PCDH15: variants seen among roughly 807,000 people sequenced by gnomAD.
The protein encoded by PCDH15 is protocadherin related 15.
PCDH15 carries 129 observed loss-of-function variants against 178.5 expected under a neutral mutation model. The ratio of observed to expected loss-of-function variants is 0.72; its 90% CI spans 0.63 to 0.84. The LOEUF (loss-of-function observed/expected upper bound fraction) is 0.84. Ranked by LOEUF, PCDH15 falls within the 40% of genes least tolerant of loss-of-function variation. The pLI is 0.00. For synonymous variants in PCDH15, 800 were observed against 732.0 expected (o/e 1.09, Z -1.50); for missense variants, 2,230 against 2,099.9 (o/e 1.06, Z -1.21).
At chr10:54,680,333 T>C (rs58472825) in intron 1 of PCDH15, among the ~76,000 whole-genome samples, 4,755 of 152,284 alleles carry the variant, frequency 0.031, 264 homozygotes, top group African/African-American at 0.11. Context: ...AAGCGTAAAC[T>C]TGTCATCTCA....
At position 55,349,678 on chromosome 10, in the gene PCDH15, G is replaced by A. The variant is rs544801869; in HGVS notation, c.-155-183027C>T. Among the ~76,000 whole-genome samples the A allele has an allele frequency of 5.3e-5, 8 of 152,066 alleles. No homozygotes were observed. In the South Asian group the frequency reaches 6.2e-4, roughly 12 times the overall value. ...TTAATAGAACATTTGCTGTAAATAC[G>A]CAGGTTCAAATGCTCAAAGAATCTT... On this transcript the variant is annotated intron_variant, in intron 2 of 5. Coordinates refer to the PCDH15 transcript ENST00000613346.
intron 18 of PCDH15, among the ~76,000 whole-genome samples, chr10:54,066,333 G>T (rs2094136739): frequency 6.6e-6 from 1 of 152,016 alleles, no homozygotes; most frequent in Non-Finnish European, 1.5e-5. Flanking sequence ...TGCTGGAAAA[G>T]GTGTGTGTGC....
chr10:55,020,958 A>C (rs994102929), intron 2 of PCDH15, among the ~76,000 whole-genome samples: 18 of 152,146 alleles, frequency 1.2e-4, no homozygotes, highest in African/African-American at 4.1e-4. Flanking sequence ...GAGCCAGGCA[A>C]AGGCATAAAT....
rs1954349165 is a variant in PCDH15, at chr10:54,885,819, G to T, written c.-29+11631C>A. On this transcript the variant is annotated intron_variant, in intron 3 of 5. Coordinates refer to the PCDH15 transcript ENST00000458638. ...AAGGCCAAGTTCCTACATATAGGAA[G>T]AAAGAGATCTTAAGGACATGATAGG... Among the ~76,000 whole-genome samples, 3 of 152,058 alleles carry T rather than the reference G, an allele frequency of 2.0e-5. No homozygotes were observed. The South Asian group carries it at 6.2e-4, about 32-fold the overall frequency.
intron 2 of PCDH15, among the ~76,000 whole-genome samples, chr10:55,071,768 C>T (rs1212257815): frequency 6.6e-6 from 1 of 152,130 alleles, no homozygotes; most frequent in Non-Finnish European, 1.5e-5. Flanking sequence ...CTACAGAACT[C>T]TCCACCCCAA....
At chr10:54,004,655 A>G (rs1373515785) in intron 20 of PCDH15, among the ~76,000 whole-genome samples, 8 of 152,128 alleles carry the variant, frequency 5.3e-5, no homozygotes, top group African/African-American at 1.7e-4. Flanking sequence ...GAAAATGAAG[A>G]GAACACAAAA....
chr10:54,063,453 C>G (rs778084059), intron 18 of PCDH15, among the ~76,000 whole-genome samples: 2 of 152,060 alleles, frequency 1.3e-5, no homozygotes, highest in Non-Finnish European at 2.9e-5. Flanking sequence ...ACTTTATTAC[C>G]TTGTTTTCTT....
chr10:55,155,095 GT>G (rs78653883), intron 2 of PCDH15, among the ~76,000 whole-genome samples: 81,618 of 151,520 alleles, frequency 0.54, 23,695 homozygotes, highest in Non-Finnish European at 0.65. Context: ...AGGTATAATA[GT>G]ATAGATACCA....
intron 8 of PCDH15, among the ~76,000 whole-genome samples, chr10:54,266,220 A>G (rs1463112303): frequency 2.0e-5 from 3 of 151,826 alleles, no homozygotes; most frequent in African/African-American, 7.2e-5. Context: ...ATTTGGGTAA[A>G]CAAGAAAATT....
At chr10:54,385,072 A>G (rs180954232) in intron 3 of PCDH15, among the ~76,000 whole-genome samples, 67 of 152,272 alleles carry the variant, frequency 4.4e-4, no homozygotes, top group African/African-American at 1.6e-3. Context: ...TTCCAGGCAG[A>G]GAGAAAGGTC....
At chr10:54,496,394 G>T (rs2080114653) in intron 3 of PCDH15, among the ~76,000 whole-genome samples, 1 of 151,940 alleles carries the variant, frequency 6.6e-6, no homozygotes, top group South Asian at 2.1e-4. Flanking sequence ...TTAAGGTCTG[G>T]GGTTTTGAGA....
chr10:54,743,426 A>T (rs578094550), intron 1 of PCDH15, among the ~76,000 whole-genome samples: 1 of 152,168 alleles, frequency 6.6e-6, no homozygotes, highest in South Asian at 2.1e-4. Context: ...ATTGTGGATT[A>T]TTATTCCATC....
chr10:53,868,559 A>T (rs576555810), intron 26 of PCDH15, among the ~76,000 whole-genome samples: 2 of 152,170 alleles, frequency 1.3e-5, no homozygotes, highest in East Asian at 3.9e-4. Context: ...TGAAATTTCA[A>T]TTCAATCTAA....
chr10:54,533,967 A>G (rs2084211400), intron 2 of PCDH15, among the ~76,000 whole-genome samples: 2 of 152,142 alleles, frequency 1.3e-5, no homozygotes, highest in Non-Finnish European at 2.9e-5. Context: ...GTTGTATAAT[A>G]TTGGACAAAT....
At chr10:55,239,416 T>C (rs1841483531) in intron 1 of PCDH15, among the ~76,000 whole-genome samples, 1 of 152,156 alleles carries the variant, frequency 6.6e-6, no homozygotes, top group African/African-American at 2.4e-5. Flanking sequence ...ATCTCATTTT[T>C]GACAAGGGTA....
chr10:54,500,623 A>G (rs902554143), intron 3 of PCDH15, among the ~76,000 whole-genome samples: 1 of 152,116 alleles, frequency 6.6e-6, no homozygotes. Context: ...TGAGGTCAGG[A>G]GTTCAAGACC....
At chr10:54,176,780 TGGCAGCACATA>T (rs1178808283) in intron 13 of PCDH15, among the ~76,000 whole-genome samples, 1 of 152,108 alleles carries the variant, frequency 6.6e-6, no homozygotes, top group Non-Finnish European at 1.5e-5. Flanking sequence ...GCCTAAATTA[TGGCAGCACATA>T]GGCATGGAAA....
At chr10:54,431,315 C>A (rs1404767421) in intron 3 of PCDH15, among the ~76,000 whole-genome samples, 1 of 151,860 alleles carries the variant, frequency 6.6e-6, no homozygotes, top group Non-Finnish European at 1.5e-5. Flanking sequence ...AAACTATAGG[C>A]CAAAATTTCT....
At chr10:55,615,168 T>C (rs1232951895) in intron 2 of PCDH15, among the ~76,000 whole-genome samples, 1 of 152,096 alleles carries the variant, frequency 6.6e-6, no homozygotes, top group Non-Finnish European at 1.5e-5. Flanking sequence ...GATTGTATAC[T>C]AAAACAATTG....
Sources: gnomAD v4.1 joint callset for allele counts (sites outside exome capture counted in the v4.1 genomes callset) on GRCh38, gnomAD v4.1.1 for gene constraint, MANE v1.5 for transcripts, NCBI Gene and HGNC (gene_info 2026-07-23, HGNC 2026-07-21) for gene names.